Variants in ZNF710 observed in about 807,000 individuals in gnomAD.
ZNF710 encodes zinc finger protein 710.
In ZNF710, 13 loss-of-function variants were observed where a neutral mutation model predicts 50.6. The observed-to-expected ratio is 0.26, with a 90% CI of 0.17 to 0.41. ZNF710 has a LOEUF of 0.41. ZNF710 is among the 10% of genes least tolerant of loss of function. The pLI, the probability that ZNF710 is intolerant of heterozygous loss-of-function variation, is 1.00. For missense variants in ZNF710, 721 were observed against 936.6 expected, an observed-to-expected ratio of 0.77 and a Z score of 3.01; for synonymous variants, 383 against 397.0, an observed-to-expected ratio of 0.96 and a Z score of 0.42.
At chr15:90,074,089 T>C (rs767245464) in intron 3 of ZNF710, 27 bp from the exon 4 acceptor site, 2 of 1,593,886 alleles carry the variant, frequency 1.3e-6, no homozygotes, top group Admixed American at 3.6e-5. Flanking sequence ...CCCCACAGGC[T>C]CAGGACACCG....
At chr15:90,014,794 G>T (rs1219865668) in intron 1 of ZNF710, among the ~76,000 whole-genome samples, 4 of 151,854 alleles carry the variant, frequency 2.6e-5, no homozygotes, top group Non-Finnish European at 1.5e-5. Context: ...TCAAAATTGG[G>T]AAAGCATTTT....
intron 1 of ZNF710, among the ~76,000 whole-genome samples, chr15:90,057,705 T>TAATAAC (rs1899866959): frequency 6.8e-6 from 1 of 147,992 alleles, no homozygotes. Flanking sequence ...ATAATAATAA[T>TAATAAC]AATAATAATA....
chr15:90,079,920 A>G lies in ZNF710; in HGVS notation c.*91A>G. ...AGGCTGCACCTCCTGCAGCCGAGAA[A>G]CAAGCTACTGCCCCACTGTTCTGAG... is the stretch of plus-strand genomic sequence containing the variant. On this transcript the variant is annotated 3_prime_UTR_variant, in exon 5 of 5. Coordinates refer to ENST00000268154, the MANE Select transcript of ZNF710 (RefSeq NM_198526.4). 6 of 1,253,146 alleles carry G rather than the reference A, an allele frequency of 4.8e-6. No individual in the cohort carries two copies. The highest frequency in any genetic ancestry group is 1.7e-5 in the South Asian group (1 of 60,518). The allele number at this position is 1,253,146 out of a possible 1,614,324, so 77.6% of individuals were successfully genotyped here.
chr15:90,024,320 T>C lies in ZNF710; in HGVS notation c.-29+22706T>C, dbSNP rs762050769. Among the ~76,000 whole-genome samples the C allele has an allele frequency of 3.9e-5, 6 of 152,128 alleles. 1 individual carries two copies. Among genetic ancestry groups the C allele is most frequent in the Non-Finnish European group, 7.4e-5 (5 of 68,012 alleles). On this transcript the variant is annotated intron_variant, in intron 1 of 4. Coordinates refer to ENST00000268154, the MANE Select transcript of ZNF710 (RefSeq NM_198526.4). The stretch of plus-strand genomic sequence containing the variant: ...GGTCAGGATGCTCTTCCCCTGACTT[T>C]CTAGGAGTGTCTTCCTCCCTCTGAC...
intron 1 of ZNF710, among the ~76,000 whole-genome samples, chr15:90,038,833 C>T (rs936614073): frequency 6.6e-6 from 1 of 151,890 alleles, no homozygotes; most frequent in Non-Finnish European, 1.5e-5. Context: ...TGCATAGTTT[C>T]AAAACTCACC....
At chr15:90,037,615 A>G (rs904719468) in intron 1 of ZNF710, among the ~76,000 whole-genome samples, 1 of 152,196 alleles carries the variant, frequency 6.6e-6, no homozygotes, top group Non-Finnish European at 1.5e-5. Flanking sequence ...GGACACCACC[A>G]GCTAGGATGG....
intron 2 of ZNF710, among the ~76,000 whole-genome samples, chr15:90,071,216 G>A (rs990589657): frequency 4.0e-5 from 6 of 150,914 alleles, no homozygotes; most frequent in East Asian, 2.0e-4. Context: ...AGCCAAGACC[G>A]TGCCGCTGTA....
intron 1 of ZNF710, among the ~76,000 whole-genome samples, chr15:90,016,252 G>A (rs1898453348): frequency 1.3e-5 from 2 of 152,096 alleles, no homozygotes; most frequent in African/African-American, 2.4e-5. Flanking sequence ...TCACATAGAC[G>A]ATTTCAGTTA....
Position 90,079,971 on chromosome 15 carries a change from C to G in ZNF710, c.*142C>G. ...CCCTCCCTCCCCGAGTCATTTGCAC[C>G]ACTAGGGACCTTTAGACCAAATGGA... On this transcript the variant is annotated 3_prime_UTR_variant, in exon 5 of 5. Coordinates refer to ENST00000268154, the MANE Select transcript of ZNF710 (RefSeq NM_198526.4). The G allele has an allele frequency of 1.3e-6, 1 of 779,234 alleles. No individual in the cohort carries two copies. The highest frequency in any genetic ancestry group is 1.8e-5 in the African/African-American group (1 of 55,264). The allele number at this position is 779,234 out of a possible 1,614,324, so 48.3% of individuals were successfully genotyped here.
intron 1 of ZNF710, among the ~76,000 whole-genome samples, chr15:90,053,183 A>G (rs2151509739): frequency 6.6e-6 from 1 of 152,252 alleles, no homozygotes; most frequent in Middle Eastern, 3.4e-3. Context: ...GAATTGGTGA[A>G]TCTCACCATC....
At chr15:90,009,561 G>A (rs968189909) in intron 1 of ZNF710, among the ~76,000 whole-genome samples, 1 of 151,828 alleles carries the variant, frequency 6.6e-6, no homozygotes, top group Non-Finnish European at 1.5e-5. Flanking sequence ...CACTTCCCTG[G>A]TCCATTCCCC....
chr15:90,057,170 T>C (rs1899845337), intron 1 of ZNF710, among the ~76,000 whole-genome samples: 1 of 152,176 alleles, frequency 6.6e-6, no homozygotes, highest in South Asian at 2.1e-4. Flanking sequence ...AGAGGAAACT[T>C]TGGCCCAAGT....
In ZNF710 at chr15:90,067,572, C is replaced by T. The variant is rs548107680; in HGVS notation, c.435C>T (p.Gly145=). Residue 145 remains glycine (G), a synonymous_variant, in exon 2 of 5, where the codon GGC becomes GGT. Transcript: ENST00000268154. This position sits in a 1 kb window ranked among gnomAD's most constrained non-coding sequence, Gnocchi z 8.1. ...AAGCCCCCGCCGAGGCGGCCAGTGG[C>T]GGCTGCGACGCCCTGGTGCAGAGCA... ...PAEAPAEAAS[G]GCDALVQSSA... 17 of 1,610,454 alleles carry T rather than the reference C, an allele frequency of 1.1e-5. No individual in the cohort carries two copies. Among genetic ancestry groups the T allele is most frequent in the Admixed American group, 3.4e-5 (2 of 59,456 alleles).
At position 90,068,565 on chromosome 15, in the gene ZNF710, C is replaced by G; in HGVS notation, c.1428C>G (p.His476Gln). 1.2e-6 allele frequency: 2 copies of G among 1,605,960 alleles called. No homozygotes were observed. Among genetic ancestry groups the G allele is most frequent in the African/African-American group, 1.3e-5 (1 of 75,036 alleles). The change falls in exon 2 of 5, where the codon CAC (histidine) becomes CAG (glutamine). Residue 476 changes from histidine to glutamine, a missense_variant. Coordinates refer to ENST00000268154, the MANE Select transcript of ZNF710 (RefSeq NM_198526.4). This position sits in a 1 kb window ranked among gnomAD's most constrained non-coding sequence, Gnocchi z 5.0. Reference protein sequence around the residue: ...TECGMEFSQIHHLKQHSLTHK... With the variant: ...TECGMEFSQIQHLKQHSLTHK... ...GCGGCATGGAGTTCAGCCAGATTCA[C>G]CACCTCAAGCAGCACTCCCTCACCC... is the stretch of plus-strand genomic sequence containing the variant.
At chr15:90,031,933 A>C (rs1226900113) in intron 1 of ZNF710, among the ~76,000 whole-genome samples, 1 of 152,198 alleles carries the variant, frequency 6.6e-6, no homozygotes, top group African/African-American at 2.4e-5. Context: ...GTATCGACTA[A>C]AGCCCATTTT....
chr15:90,068,419 T>C lies in ZNF710; in HGVS notation c.1282T>C (p.Ser428Pro). 6.2e-7 allele frequency: 1 copy of C among 1,613,940 alleles called. No homozygotes were observed. The highest frequency in any genetic ancestry group is 8.5e-7 in the Non-Finnish European group (1 of 1,179,982). The change falls in exon 2 of 5, where the codon TCC becomes CCC. Residue 428 changes from serine (S) to proline (P), a missense_variant. This residue lies in a region of ZNF710 where 326 missense variants were observed against 522.0 expected (regional missense o/e 0.62). Transcript: ENST00000268154. The surrounding 1 kb of genome is among the most constrained non-coding windows in gnomAD (Gnocchi z 5.0). ...GACCCAGCTCAAGCGCCACCTGGCC[T>C]CCCACCAGGGCCCCACCCTCTACCA... Reference protein sequence around the residue: ...TLTQLKRHLASHQGPTLYQCL... With the variant: ...TLTQLKRHLAPHQGPTLYQCL...
Position 90,002,118 on chromosome 15 carries a change from C to A in ZNF710, c.-29+504C>A, listed in dbSNP as rs537777113. Among the ~76,000 whole-genome samples the A allele has an allele frequency of 9.9e-5, 15 of 151,560 alleles. No homozygotes were observed. In the South Asian group the frequency reaches 2.9e-3, roughly 29 times the overall value. ...GTCCCGGTGCTGGGTGCGCTCCCCC[C>A]ACACCCGGCCCGGGACTCAAAGTTT... On this transcript the variant is annotated intron_variant, in intron 1 of 4. Coordinates refer to ENST00000268154, the MANE Select transcript of ZNF710 (RefSeq NM_198526.4).
At chr15:90,054,845 A>G (rs1172120784) in intron 1 of ZNF710, among the ~76,000 whole-genome samples, 1 of 152,136 alleles carries the variant, frequency 6.6e-6, no homozygotes, top group African/African-American at 2.4e-5. Context: ...TGGAAACATG[A>G]GGCCTGCTGC....
intron 1 of ZNF710, among the ~76,000 whole-genome samples, chr15:90,065,296 C>G (rs1054891499): frequency 6.6e-6 from 1 of 152,188 alleles, no homozygotes; most frequent in Non-Finnish European, 1.5e-5. Flanking sequence ...TGTGCCTGAC[C>G]GTGGCCCTGG....
Sources: gnomAD v4.1 joint callset for allele counts (sites outside exome capture counted in the v4.1 genomes callset) on GRCh38, gnomAD v4.1.1 for gene constraint, gnomAD v4.1.1 regional missense constraint, Gnocchi (gnomAD v3.1) non-coding constraint, MANE v1.5 for transcripts, NCBI Gene and HGNC (gene_info 2026-07-23, HGNC 2026-07-21) for gene names.